FRMPD4: variants seen among roughly 807,000 people sequenced by gnomAD.
FRMPD4 encodes FERM and PDZ domain containing 4, also known as FERM and PDZ domain-containing protein 4.
FRMPD4 carries 22 observed loss-of-function variants against 94.1 expected under a neutral mutation model. The observed-to-expected ratio is 0.23, with a 90% CI of 0.17 to 0.33. FRMPD4 has a LOEUF of 0.33. FRMPD4 is among the 10% of genes least tolerant of loss of function. The pLI is 1.00. For synonymous variants in FRMPD4, 631 were observed against 548.6 expected (o/e 1.15, Z -2.10); for missense variants, 1,111 against 1,339.9 (o/e 0.83, Z 2.67).
rs2041794165 is a variant in FRMPD4 at position 12,701,996 on chromosome X, C to T, written c.1056C>T (p.Ser352=). The T allele has an allele frequency of 2.5e-6, 3 of 1,210,941 alleles. No homozygotes were observed. Among genetic ancestry groups the T allele is most frequent in the Non-Finnish European group, 3.4e-6 (3 of 894,285 alleles). ...CCACCAAGCAAACGCAGAAAATCTC[C>T]CTCAAATACATCGAGTAAGTGTTGA... ...TVTTKQTQKI[S]LKYIEKEWGL... The change falls in exon 10 of 17, where the codon TCC becomes TCT. Residue 352 remains serine, a synonymous_variant. Transcript: ENST00000675598.
intron 4 of FRMPD4, among the ~76,000 whole-genome samples, chrX:12,630,317 GC>G (rs1458702678): frequency 8.9e-6 from 1 of 112,610 alleles, no homozygotes; most frequent in African/African-American, 3.2e-5. Flanking sequence ...TGCAAAAGCA[GC>G]CATAGATGAT....
chrX:12,500,458 A>G (rs2057907080), intron 2 of FRMPD4, among the ~76,000 whole-genome samples: 1 of 111,270 alleles, frequency 9.0e-6, no homozygotes, highest in Non-Finnish European at 1.9e-5. Context: ...TCAGTCTCTG[A>G]AGCCCAAATC....
At chrX:12,165,915 T>C (rs2056108253) in intron 1 of FRMPD4, among the ~76,000 whole-genome samples, 1 of 111,506 alleles carries the variant, frequency 9.0e-6, no homozygotes, top group Admixed American at 9.5e-5. Flanking sequence ...CCTGAGACTT[T>C]GCTGAAGTTG....
At chrX:12,619,266 A>C (rs2059265617) in intron 4 of FRMPD4, among the ~76,000 whole-genome samples, 1 of 111,896 alleles carries the variant, frequency 8.9e-6, no homozygotes, top group African/African-American at 3.3e-5. Flanking sequence ...CTATACTAAT[A>C]CCCTGGGAAT....
intron 5 of FRMPD4, among the ~76,000 whole-genome samples, chrX:12,677,362 A>G (rs761206911): frequency 4.5e-5 from 5 of 111,231 alleles, no homozygotes; most frequent in African/African-American, 1.3e-4. Flanking sequence ...TAAAACCCCA[A>G]AGTTTCTTAA....
intron 3 of FRMPD4, among the ~76,000 whole-genome samples, chrX:11,986,974 T>A (rs2054432873): frequency 9.3e-6 from 1 of 107,525 alleles, no homozygotes; most frequent in East Asian, 2.9e-4. Flanking sequence ...CTACCAAACA[T>A]TTAAAGAAGA....
chrX:12,578,046 G>A (rs1569346394), intron 2 of FRMPD4, among the ~76,000 whole-genome samples: 1 of 112,778 alleles, frequency 8.9e-6, no homozygotes, highest in East Asian at 2.8e-4. Flanking sequence ...TCACATGGTA[G>A]ACAGAGACAG....
chrX:12,206,074 C>T (rs998645972), intron 1 of FRMPD4, among the ~76,000 whole-genome samples: 1 of 111,918 alleles, frequency 8.9e-6, no homozygotes, highest in Non-Finnish European at 1.9e-5. Flanking sequence ...GACTTTAAAC[C>T]AAGATAAACC....
intron 1 of FRMPD4, among the ~76,000 whole-genome samples, chrX:12,481,977 T>C (rs1421300931): frequency 2.5e-5 from 1 of 39,983 alleles, no homozygotes; most frequent in Admixed American, 2.7e-4. Context: ...AAAAAGAAAG[T>C]GTTATTGGAT....
intron 1 of FRMPD4, among the ~76,000 whole-genome samples, chrX:12,290,729 A>C (rs191957792): frequency 2.7e-5 from 3 of 112,179 alleles, no homozygotes; most frequent in African/African-American, 9.7e-5. Flanking sequence ...CGACAGAAGC[A>C]GCAAGATGTA....
intron 1 of FRMPD4, among the ~76,000 whole-genome samples, chrX:11,831,409 C>G (rs776494961): frequency 9.0e-6 from 1 of 110,899 alleles, no homozygotes; most frequent in African/African-American, 3.3e-5. Context: ...GTCTAGTCTC[C>G]CAGCTTTGGT....
chrX:11,829,720 G>A (rs1440336901), intron 1 of FRMPD4, among the ~76,000 whole-genome samples: 1 of 111,958 alleles, frequency 8.9e-6, no homozygotes, highest in Non-Finnish European at 1.9e-5. Flanking sequence ...CTCCAGACAG[G>A]TGGATAACTG....
chrX:11,851,856 A>G (rs2053624013), intron 1 of FRMPD4, among the ~76,000 whole-genome samples: 1 of 109,166 alleles, frequency 9.2e-6, no homozygotes, highest in South Asian at 4.0e-4. Context: ...CTTTGGTATG[A>G]TGACAGTAGA....
At chrX:12,716,019 C>CCAAAAAAAAAAA in intron 14 of FRMPD4, 50 bp from the exon 15 acceptor site, 1 of 449,313 alleles carries the variant, frequency 2.2e-6, no homozygotes, top group Non-Finnish European at 3.5e-6. Flanking sequence ...CCGCCCCACC[C>CCAAAAAAAAAAA]AAAACCAGAC....
chrX:12,172,088 A>G (rs1179660013), intron 1 of FRMPD4, among the ~76,000 whole-genome samples: 1 of 111,430 alleles, frequency 9.0e-6, no homozygotes, highest in African/African-American at 3.3e-5. Context: ...TACACTGTTG[A>G]TGCTTTAGGG....
chrX:12,681,248 T>A (rs1175382833), intron 5 of FRMPD4, among the ~76,000 whole-genome samples: 1 of 112,098 alleles, frequency 8.9e-6, no homozygotes, highest in Non-Finnish European at 1.9e-5. Context: ...TGTGCCAATG[T>A]AAATACCGCC....
At position 12,498,758 on chromosome X, in the gene FRMPD4, G is replaced by A. The variant is rs1487559164; in HGVS notation, c.120G>A (p.Glu40=). ...GLSQVPPYGW[E]MTANRDGRDY... ...GCCAGGTGCCGCCCTATGGATGGGA[G>A]ATGACGGCAAACCGAGATGGGCGAG... Residue 40 remains glutamate (E), a synonymous_variant, in exon 2 of 17, where the codon GAG becomes GAA. Transcript: ENST00000675598. The A allele has an allele frequency of 1.7e-6, 2 of 1,186,034 alleles. No individual in the cohort carries two copies. Among genetic ancestry groups the A allele is most frequent in the Non-Finnish European group, 1.1e-6 (1 of 876,917 alleles).
intron 3 of FRMPD4, among the ~76,000 whole-genome samples, chrX:11,905,996 C>G (rs907821889): frequency 9.0e-6 from 1 of 111,068 alleles, no homozygotes; most frequent in African/African-American, 3.3e-5. Context: ...ACATTTACAT[C>G]ACTTTAAAGA....
chrX:12,696,586 C>CAAAAAAAAAAAAAAGAAAAAAAAA (rs2060133806), intron 9 of FRMPD4, among the ~76,000 whole-genome samples: 1 of 30,063 alleles, frequency 3.3e-5, no homozygotes, highest in African/African-American at 1.1e-4. Context: ...AAAAATGAAG[C>CAAAAAAAAAAAAAAGAAAAAAAAA]AAAAAAAAAA....
Sources: gnomAD v4.1 joint callset for allele counts (sites outside exome capture counted in the v4.1 genomes callset) on GRCh38, gnomAD v4.1.1 for gene constraint, MANE v1.5 for transcripts, NCBI Gene and HGNC (gene_info 2026-07-23, HGNC 2026-07-21) for gene names.